Variants in PLAAT1 observed in about 807,000 individuals in gnomAD.
PLAAT1 encodes phospholipase A and acyltransferase 1.
A neutral mutation model predicts 16.4 loss-of-function variants in PLAAT1; 13 were observed. The observed-to-expected ratio is 0.79, with a 90% CI of 0.52 to 1.26. PLAAT1 has a LOEUF of 1.26. PLAAT1 is among the 50% of genes most tolerant of loss of function. The pLI is 0.00. For synonymous variants in PLAAT1, 73 were observed against 78.4 expected (o/e 0.93, Z 0.36); for missense variants, 218 against 207.8 (o/e 1.05, Z -0.30).
At chr3:193,280,149 C>G (rs1577320548), downstream of PLAAT1, among the ~76,000 whole-genome samples, 1 of 152,086 alleles carries the variant, frequency 6.6e-6, no homozygotes, top group Non-Finnish European at 1.5e-5. Context: ...CTCCCTGGTT[C>G]AAGCAATTCT....
rs1365441989 is a variant in PLAAT1 at position 193,241,374 on chromosome 3, G to C, written c.-160G>C. On this transcript the variant is annotated 5_prime_UTR_variant, in exon 1 of 4. Coordinates refer to ENST00000264735, the MANE Select transcript of PLAAT1 (RefSeq NM_020386.5). The stretch of plus-strand genomic sequence containing the variant: ...GGCGTTGGCCCTGGAGGACGGCCCC[G>C]AGTGATGGCTGGCGCCTGCCTCCCG... 8.1e-7 allele frequency: 1 copy of C among 1,231,584 alleles called. No homozygotes were observed. Among genetic ancestry groups the C allele is most frequent in the Non-Finnish European group, 1.0e-6 (1 of 987,964 alleles). The allele number at this position is 1,231,584 out of a possible 1,614,324, so 76.3% of individuals were successfully genotyped here. A position where few individuals can be genotyped will look rare whatever the true frequency, so the allele number is the denominator to read the frequency against.
At chr3:193,255,560 T>C in intron 1 of PLAAT1, 91 bp from the exon 2 acceptor site, 1 of 1,278,058 alleles carries the variant, frequency 7.8e-7, no homozygotes, top group East Asian at 2.4e-5. Flanking sequence ...TCTCAATAAA[T>C]TCTGTATCAT....
intron 2 of PLAAT1, among the ~76,000 whole-genome samples, chr3:193,262,149 A>G (rs1447383785): frequency 6.6e-6 from 1 of 152,138 alleles, no homozygotes; most frequent in African/African-American, 2.4e-5. Flanking sequence ...CATCTGTCCA[A>G]CCTCAAGTAC....
At chr3:193,275,692 A>C (rs79019534), downstream of PLAAT1, among the ~76,000 whole-genome samples, 1,601 of 152,302 alleles carry the variant, frequency 0.011, 54 homozygotes, top group East Asian at 0.072. Context: ...TTTGTTGAAT[A>C]AAGTGTTGAG....
At chr3:193,261,516 A>G (rs1370468007) in intron 2 of PLAAT1, among the ~76,000 whole-genome samples, 2 of 152,210 alleles carry the variant, frequency 1.3e-5, no homozygotes, top group East Asian at 3.8e-4. Context: ...AACATTTTAA[A>G]GTATTTGCCT....
At chr3:193,263,297 G>C in intron 3 of PLAAT1, 62 bp downstream of exon 3, 1 of 1,501,212 alleles carries the variant, frequency 6.7e-7, no homozygotes, top group Non-Finnish European at 9.1e-7. Flanking sequence ...CTATGATAAG[G>C]TTCCCAGGCC....
At chr3:193,281,207 G>C (rs1717479440), downstream of PLAAT1, 12 of 985,392 alleles carry the variant, frequency 1.2e-5, no homozygotes, top group Non-Finnish European at 1.4e-5. Flanking sequence ...GGAGTCCCAG[G>C]AACGCAGAAG....
downstream of PLAAT1, among the ~76,000 whole-genome samples, chr3:193,274,133 C>G (rs1717075903): frequency 6.6e-6 from 1 of 152,036 alleles, no homozygotes; most frequent in African/African-American, 2.4e-5. Context: ...ATCCCAGCTA[C>G]TCGAGAGGCT....
At chr3:193,250,608 A>G (rs35834783) in intron 1 of PLAAT1, among the ~76,000 whole-genome samples, 58,133 of 152,028 alleles carry the variant, frequency 0.38, 12,782 homozygotes, top group Non-Finnish European at 0.48. Context: ...TGTGTATGGA[A>G]ACTACTTCTG....
chr3:193,271,311 CAGG>C (rs765072504), downstream of PLAAT1, among the ~76,000 whole-genome samples: 14 of 152,126 alleles, frequency 9.2e-5, no homozygotes, highest in Non-Finnish European at 1.5e-4. Flanking sequence ...ACTTGCTTGT[CAGG>C]AGGACATGAC....
At chr3:193,246,738 G>A (rs80299726) in intron 1 of PLAAT1, among the ~76,000 whole-genome samples, 1,783 of 152,266 alleles carry the variant, frequency 0.012, 57 homozygotes, top group East Asian at 0.072. Context: ...GTGAGTGATC[G>A]TTTAAATTTA....
intron 1 of PLAAT1, among the ~76,000 whole-genome samples, chr3:193,248,323 A>G (rs1455676978): frequency 6.7e-6 from 1 of 149,312 alleles, no homozygotes; most frequent in African/African-American, 2.5e-5. Flanking sequence ...AAGTTAATCT[A>G]TTGTAGGCAG....
At chr3:193,256,879 A>T (rs1320793283) in intron 2 of PLAAT1, among the ~76,000 whole-genome samples, 18 of 152,182 alleles carry the variant, frequency 1.2e-4, no homozygotes, top group Admixed American at 1.2e-3. Context: ...GAATGGTTAA[A>T]TGAATTAAGA....
intron 2 of PLAAT1, among the ~76,000 whole-genome samples, chr3:193,259,958 C>A (rs1716522139): frequency 6.6e-6 from 1 of 152,124 alleles, no homozygotes; most frequent in African/African-American, 2.4e-5. Context: ...TCAAACTCTA[C>A]TAGAAGGCTA....
chr3:193,255,025 GT>G (rs112484950), intron 1 of PLAAT1, among the ~76,000 whole-genome samples: 99 of 152,228 alleles, frequency 6.5e-4, no homozygotes, highest in African/African-American at 2.2e-3. Flanking sequence ...TTTTTGCAGA[GT>G]TTTAGTACTC....
chr3:193,274,757 AC>A, downstream of PLAAT1: 1 of 450,212 alleles, frequency 2.2e-6, no homozygotes, highest in Non-Finnish European at 3.9e-6. Flanking sequence ...TGACTACAGT[AC>A]CATGACAGCT....
chr3:193,280,852 C>G (rs1297363599), downstream of PLAAT1, among the ~76,000 whole-genome samples: 2 of 152,188 alleles, frequency 1.3e-5, no homozygotes, highest in East Asian at 3.9e-4. Context: ...CTCTTACACT[C>G]TACCTCATTT....
chr3:193,266,552 C>T (rs534310071), intron 3 of PLAAT1, among the ~76,000 whole-genome samples: 2 of 152,190 alleles, frequency 1.3e-5, no homozygotes, highest in Non-Finnish European at 2.9e-5. Flanking sequence ...CCTAAGCTTT[C>T]GTGTTCACAG....
intron 1 of PLAAT1, among the ~76,000 whole-genome samples, chr3:193,248,111 T>C (rs1264936082): frequency 1.3e-5 from 2 of 152,218 alleles, no homozygotes; most frequent in African/African-American, 4.8e-5. Context: ...GCATATATAA[T>C]TGTTATATTT....
Sources: allele counts gnomAD v4.1 joint callset (sites outside exome capture counted in the v4.1 genomes callset), GRCh38; gene constraint gnomAD v4.1.1; transcripts MANE v1.5; gene names NCBI Gene and HGNC (gene_info 2026-07-23, HGNC 2026-07-21).